The following CCDC30 variants were observed in gnomAD, a reference collection of about 807,000 sequenced individuals.
CCDC30 encodes coiled-coil domain-containing protein 30.
A neutral mutation model predicts 100.2 loss-of-function variants in CCDC30; 70 were observed. The ratio of observed to expected loss-of-function variants is 0.70; its 90% CI spans 0.58 to 0.85. The LOEUF is 0.85. CCDC30 is among the 40% of genes least tolerant of loss of function. The pLI is 0.00. For synonymous variants in CCDC30, 233 were observed against 269.5 expected (o/e 0.86, Z 1.33); for missense variants, 652 against 771.2 (o/e 0.85, Z 1.83).
intron 10 of CCDC30, chr1:42,589,739 A>G (rs983732952): frequency 1.5e-5 from 4 of 274,790 alleles, no homozygotes; most frequent in Non-Finnish European, 2.0e-5. Flanking sequence ...CCAGAAGTTC[A>G]GAAATCACAG....
intron 1 of CCDC30, among the ~76,000 whole-genome samples, chr1:42,479,566 T>TAAA (rs34698340): frequency 7.4e-6 from 1 of 135,452 alleles, no homozygotes; most frequent in Admixed American, 7.4e-5. Flanking sequence ...GACATATGCT[T>TAAA]AAAAAAAAAA....
chr1:42,459,811 C>T (rs756903119), upstream of CCDC30: 12 of 1,613,828 alleles, frequency 7.4e-6, no homozygotes, highest in East Asian at 4.5e-5. Flanking sequence ...ACCAAAGACT[C>T]GGAAACCAAG....
chr1:42,624,864 T>A (rs1055520337), intron 11 of CCDC30, among the ~76,000 whole-genome samples: 1 of 152,170 alleles, frequency 6.6e-6, no homozygotes, highest in African/African-American at 2.4e-5. Flanking sequence ...TATGTGTCTT[T>A]GTCTGGTTTT....
chr1:42,457,099 T>G, the CCDC30 span: 1 of 1,577,934 alleles, frequency 6.3e-7, no homozygotes, highest in Admixed American at 1.7e-5. Context: ...GTACCCCTTT[T>G]GCCTGGAAGC....
At chr1:42,457,495 G>A in the CCDC30 span, 1 of 682,728 alleles carries the variant, frequency 1.5e-6, no homozygotes, top group East Asian at 2.6e-5. Flanking sequence ...CCTCCCTCAT[G>A]GACCTCACAA....
chr1:42,610,718 C>T lies in CCDC30; in HGVS notation c.1165-260C>T, dbSNP rs143581706. Among the ~76,000 whole-genome samples the T allele has an allele frequency of 6.0e-4, 92 of 152,198 alleles. 1 individual carries two copies. The highest frequency in any genetic ancestry group is 2.2e-3 in the African/African-American group (90 of 41,508). On this transcript the variant is annotated intron_variant, in intron 10 of 16. Coordinates refer to ENST00000668663, the Ensembl canonical transcript of CCDC30. ...GGGATTATGGGTGTGAGTCATCACA[C>T]GCGGCCTTGGAAGATTTTTAATAAA... is the stretch of plus-strand genomic sequence containing the variant.
intron 7 of CCDC30, chr1:42,571,393 G>A (rs1645729683): frequency 6.6e-6 from 1 of 151,906 alleles, no homozygotes; most frequent in Non-Finnish European, 1.5e-5. Flanking sequence ...CTAAAAGGCT[G>A]GAGTGCCTTT....
chr1:42,474,077 G>A lies in CCDC30; in HGVS notation c.-91-6384G>A, dbSNP rs145399607. ...TCTCAGGTTGCCTGGGAATCACTCT[G>A]CTATGTTTTCACATCTCAGCTTCAC... On this transcript the variant is annotated intron_variant, in intron 1 of 16. Transcript: ENST00000668663. Among the ~76,000 whole-genome samples the A allele has an allele frequency of 5.0e-3, 754 of 152,046 alleles. 10 individuals are homozygous for A. Among genetic ancestry groups the A allele is most frequent in the African/African-American group, 0.017 (721 of 41,470 alleles).
rs537117455 is a variant in CCDC30, at chr1:42,637,048, T to A, written c.1278-189T>A. ...AGCAGTAGTTAAAGCTGGTGTTATA[T>A]AGGGGGTTATCCTTGGCCCACTCCC... On this transcript the variant is annotated intron_variant, in intron 11 of 16. Coordinates refer to ENST00000668663, the Ensembl canonical transcript of CCDC30. Among the ~76,000 whole-genome samples the A allele has an allele frequency of 2.7e-5, 4 of 147,012 alleles. No individual in the cohort carries two copies. In the South Asian group the frequency reaches 8.7e-4, roughly 32 times the overall value.
chr1:42,612,751 C>T (rs925821717), intron 11 of CCDC30, among the ~76,000 whole-genome samples: 2 of 152,156 alleles, frequency 1.3e-5, no homozygotes, highest in African/African-American at 4.8e-5. Context: ...TTATATTTCC[C>T]TCTGTCGTAT....
At chr1:42,576,549 A>T (rs1040698629) in intron 7 of CCDC30, among the ~76,000 whole-genome samples, 2 of 152,270 alleles carry the variant, frequency 1.3e-5, no homozygotes, top group African/African-American at 4.8e-5. Context: ...CTCTAGGCCT[A>T]GAAGTGTCCA....
Position 42,471,188 on chromosome 1 carries a change from C to T in CCDC30, c.-92+7290C>T, listed in dbSNP as rs111528153. On this transcript the variant is annotated intron_variant, in intron 1 of 16. Coordinates refer to ENST00000668663, the Ensembl canonical transcript of CCDC30. ...GGTGATTTGTGCACTTGAGTATTGACCTGAAGCCTGTACCGTCCTACTGAT... is the reference window on the plus strand; with the variant it reads ...GGTGATTTGTGCACTTGAGTATTGATCTGAAGCCTGTACCGTCCTACTGAT... 6.0e-3 allele frequency among the ~76,000 whole-genome samples: 908 copies of T among 152,170 alleles called. 6 individuals carry two copies. The highest frequency in any genetic ancestry group is 0.02 in the African/African-American group (847 of 41,510).
At chr1:42,618,229 CTTTTTTT>C (rs563022326) in intron 11 of CCDC30, among the ~76,000 whole-genome samples, 14 of 90,464 alleles carry the variant, frequency 1.5e-4, no homozygotes, top group Admixed American at 1.1e-3. Flanking sequence ...CCAGTGATAT[CTTTTTTT>C]TTTTTTTTTT....
chr1:42,485,452 T>C (rs950948739), intron 3 of CCDC30, among the ~76,000 whole-genome samples: 2 of 152,174 alleles, frequency 1.3e-5, no homozygotes, highest in Non-Finnish European at 2.9e-5. Context: ...ATCCAGAATA[T>C]GTAACAAATT....
chr1:42,517,753 C>G (rs1033986724), intron 6 of CCDC30, among the ~76,000 whole-genome samples: 7 of 152,156 alleles, frequency 4.6e-5, no homozygotes, highest in Non-Finnish European at 1.0e-4. Context: ...TTCTACCAAA[C>G]ATTTAAATAT....
chr1:42,540,498 T>C (rs1644990520), intron 6 of CCDC30, among the ~76,000 whole-genome samples: 1 of 152,178 alleles, frequency 6.6e-6, no homozygotes, highest in Non-Finnish European at 1.5e-5. Flanking sequence ...CTTCTGGTAA[T>C]CTGGGTCTCC....
chr1:42,483,350 A>G (rs1216643233), intron 3 of CCDC30, among the ~76,000 whole-genome samples: 2 of 152,234 alleles, frequency 1.3e-5, no homozygotes, highest in Admixed American at 1.3e-4. Flanking sequence ...TGCTATAAAC[A>G]TTTTGGTATA....
intron 10 of CCDC30, among the ~76,000 whole-genome samples, chr1:42,601,211 T>A (rs1260613469): frequency 6.6e-6 from 1 of 152,158 alleles, no homozygotes; most frequent in Non-Finnish European, 1.5e-5. Context: ...TAAATGAAAG[T>A]GAAGATACAA....
At chr1:42,570,438 T>C (rs935137290) in intron 7 of CCDC30, among the ~76,000 whole-genome samples, 4 of 152,142 alleles carry the variant, frequency 2.6e-5, no homozygotes, top group Non-Finnish European at 4.4e-5. Flanking sequence ...ATATAACACT[T>C]AGAAAATGCA....
Sources: allele counts gnomAD v4.1 joint callset (sites outside exome capture counted in the v4.1 genomes callset), GRCh38; gene constraint gnomAD v4.1.1; transcripts MANE v1.5; gene names NCBI Gene and HGNC (gene_info 2026-07-23, HGNC 2026-07-21).